The following ACSL6 variants were observed in gnomAD, a reference collection of about 807,000 sequenced individuals.
The protein encoded by ACSL6 is acyl-CoA synthetase long chain family member 6, also known as long-chain-fatty-acid--CoA ligase 6.
ACSL6 carries 47 observed loss-of-function variants against 98.2 expected under a neutral mutation model. The observed-to-expected ratio is 0.48, with a 90% CI of 0.38 to 0.61. The LOEUF is 0.61. ACSL6 is among the 20% of genes least tolerant of loss of function. The pLI is 0.00. For missense variants in ACSL6, 761 were observed against 913.4 expected (o/e 0.83, Z 2.15); for synonymous variants, 362 against 336.9 (o/e 1.07, Z -0.82).
At chr5:131,960,404 T>C (rs1752642583) in intron 19 of ACSL6, 116 bp downstream of exon 19, 1 of 684,888 alleles carries the variant, frequency 1.5e-6, no homozygotes, top group Non-Finnish European at 2.4e-6. Flanking sequence ...TATAAAGTAA[T>C]GTTAGAAATT....
intron 8 of ACSL6, among the ~76,000 whole-genome samples, chr5:131,986,136 G>A (rs555387186): frequency 6.6e-6 from 1 of 152,358 alleles, no homozygotes; most frequent in African/African-American, 2.4e-5. Flanking sequence ...AGGCAGAAGA[G>A]AGAAAGGGTG....
rs185984945 is a variant in ACSL6, at chr5:131,973,296, G to A, written c.1173C>T (p.Val391=). Residue 391 remains valine, a synonymous_variant, in exon 12 of 21, where the codon GTC becomes GTT. Transcript: ENST00000651883. ...CGTACATCCGGTTCAGCAGTCGTGG[G>A]ACCACAGGGAAGATGGTGGGGCATA... The part of the protein sequence containing the change: ...KALCPTIFPV[V]PRLLNRMYDK... 24 of 1,614,140 alleles carry A rather than the reference G, an allele frequency of 1.5e-5. No homozygotes were observed. Among genetic ancestry groups the A allele is most frequent in the Non-Finnish European group, 2.0e-5 (24 of 1,180,024 alleles).
In ACSL6 at chr5:131,972,783, G is replaced by A. The variant is rs767616461; in HGVS notation, c.1279C>T (p.Arg427Trp). The change falls in exon 13 of 21, where the codon CGG (arginine) becomes TGG (tryptophan). Residue 427 changes from arginine to tryptophan, a missense_variant. Arg to Trp is a moderately radical substitution (Grantham distance 101). Coordinates refer to ENST00000651883, the MANE Select transcript of ACSL6 (RefSeq NM_001009185.3). ...CTATCATTCCTGATGATTCCACTCC[G>A]GACCTCGGCTTGCTTACGCTTTGCT... ...FAAKRKQAEV[R>W]SGIIRNDSIW... The A allele has an allele frequency of 2.0e-5, 32 of 1,613,986 alleles. No individual in the cohort carries two copies. Among genetic ancestry groups the A allele is most frequent in the East Asian group, 1.3e-4 (6 of 44,892 alleles).
chr5:131,968,582 C>T (rs1378151961), intron 15 of ACSL6, among the ~76,000 whole-genome samples: 1 of 152,170 alleles, frequency 6.6e-6, no homozygotes, highest in African/African-American at 2.4e-5. Context: ...GGTCCCACAC[C>T]ACATGTTGAA....
intron 16 of ACSL6, among the ~76,000 whole-genome samples, chr5:131,967,386 A>G (rs1753066564): frequency 1.3e-5 from 2 of 151,892 alleles, no homozygotes; most frequent in East Asian, 1.9e-4. Context: ...ATTAAGGGCC[A>G]GGCACGGTGG....
Position 131,966,538 on chromosome 5 carries a change from G to A in ACSL6, c.1597-6C>T, listed in dbSNP as rs375593156. 6.2e-7 allele frequency: 1 copy of A among 1,612,626 alleles called. No individual in the cohort carries two copies. Among genetic ancestry groups the A allele is most frequent in the South Asian group, 1.1e-5 (1 of 91,042 alleles). On this transcript the variant is annotated splice_polypyrimidine_tract_variant and splice_region_variant and intron_variant, in intron 16 of 20. Coordinates refer to ENST00000651883, the MANE Select transcript of ACSL6 (RefSeq NM_001009185.3). ...TTTGGTCCTCTCACACATATCTATGGGACAAAAACCATGGCTTCTCTCAGC... is the reference window on the plus strand; with the variant it reads ...TTTGGTCCTCTCACACATATCTATGAGACAAAAACCATGGCTTCTCTCAGC...
At chr5:131,994,669 GGCA>G (rs1391342718) in intron 1 of ACSL6, 3 of 249,184 alleles carry the variant, frequency 1.2e-5, no homozygotes, top group African/African-American at 6.7e-5. Flanking sequence ...AAGAGGGAAG[GGCA>G]GCAGAAGTGC....
chr5:131,985,268 C>G (rs115222986), intron 9 of ACSL6, 139 bp downstream of exon 9: 305,824 of 1,045,352 alleles, frequency 0.29, 52,640 homozygotes, highest in African/African-American at 0.64. Flanking sequence ...TGCAGGAGGT[C>G]ACCCAGTGTC....
chr5:132,012,166 T>C (rs531840389), upstream of ACSL6: 2 of 465,184 alleles, frequency 4.3e-6, no homozygotes, highest in Non-Finnish European at 7.4e-6. Context: ...TTTGCAGACA[T>C]GGGGAGCCTC....
intron 18 of ACSL6, among the ~76,000 whole-genome samples, chr5:131,962,088 G>C (rs917686756): frequency 2.0e-5 from 3 of 151,850 alleles, no homozygotes; most frequent in African/African-American, 7.3e-5. Flanking sequence ...GGGAGGGAGG[G>C]GGAAGGGGAT....
At chr5:131,961,760 G>A (rs2149691901) in intron 18 of ACSL6, among the ~76,000 whole-genome samples, 1 of 152,110 alleles carries the variant, frequency 6.6e-6, no homozygotes, top group Middle Eastern at 3.4e-3. Flanking sequence ...GTATTGAAAG[G>A]AAAATAAGTA....
At chr5:131,963,054 C>G (rs900591461) in intron 17 of ACSL6, among the ~76,000 whole-genome samples, 2 of 152,126 alleles carry the variant, frequency 1.3e-5, no homozygotes, top group African/African-American at 4.8e-5. Context: ...TTCCAGGTGC[C>G]CTTTTTCTCA....
rs374070362 is a variant in ACSL6, at chr5:131,953,485, A to G, written c.*749T>C. On this transcript the variant is annotated 3_prime_UTR_variant, in exon 21 of 21. Coordinates refer to ENST00000651883, the MANE Select transcript of ACSL6 (RefSeq NM_001009185.3). Reference sequence around the variant, plus strand: ...GTGTGGTGGCATGTGCCTGTACTGTAGTCTCAGCTACTTGGGAGGTGAGAC... The same window carrying G: ...GTGTGGTGGCATGTGCCTGTACTGTGGTCTCAGCTACTTGGGAGGTGAGAC... The G allele has an allele frequency of 1.6e-5, 3 of 189,674 alleles. No individual in the cohort carries two copies. The highest frequency in any genetic ancestry group is 1.7e-4 in the East Asian group (2 of 11,982). The allele number at this position is 189,674 out of a possible 1,614,324, so 11.7% of individuals were successfully genotyped here.
chr5:131,967,804 A>G (rs969887324), intron 16 of ACSL6, 136 bp downstream of exon 16: 2 of 702,688 alleles, frequency 2.8e-6, no homozygotes, highest in Non-Finnish European at 2.4e-6. Flanking sequence ...TGCTGAGTTG[A>G]GCTGAGTCAA....
intron 1 of ACSL6, among the ~76,000 whole-genome samples, chr5:131,998,606 T>C (rs1199080748): frequency 6.6e-6 from 1 of 152,168 alleles, no homozygotes; most frequent in Admixed American, 6.5e-5. Context: ...AACTCTCTGC[T>C]GGTCCAGCCT....
intron 9 of ACSL6, among the ~76,000 whole-genome samples, chr5:131,981,322 TAAAAAAA>T (rs56950797): frequency 1.4e-4 from 13 of 95,278 alleles, no homozygotes; most frequent in East Asian, 3.2e-4. Context: ...AGTCAACTAT[TAAAAAAA>T]AAAAAAAAAA....
intron 1 of ACSL6, among the ~76,000 whole-genome samples, chr5:131,996,296 C>T (rs1359656760): frequency 6.6e-6 from 1 of 152,244 alleles, no homozygotes; most frequent in African/African-American, 2.4e-5. Context: ...AGTAGATTCA[C>T]CAGGGAAAAT....
Position 131,953,965 on chromosome 5 carries a change from C to G in ACSL6, c.*269G>C, listed in dbSNP as rs569481211. Reference sequence around the variant, plus strand: ...TGACAATATATTACTTTTAGTGGTACACAGTTCTTGAGAAAATGTCTTGAT... The same window carrying G: ...TGACAATATATTACTTTTAGTGGTAGACAGTTCTTGAGAAAATGTCTTGAT... On this transcript the variant is annotated 3_prime_UTR_variant, in exon 21 of 21. Coordinates refer to ENST00000651883, the MANE Select transcript of ACSL6 (RefSeq NM_001009185.3). 3.7e-6 allele frequency: 1 copy of G among 273,384 alleles called. No homozygotes were observed. Among genetic ancestry groups the G allele is most frequent in the African/African-American group, 2.2e-5 (1 of 45,942 alleles). 16.9% of individuals were successfully genotyped at this position (273,384 alleles called of 1,614,324 possible). A position where few individuals can be genotyped will look rare whatever the true frequency, so the allele number is the denominator to read the frequency against.
At chr5:131,993,977 T>C in intron 2 of ACSL6, 54 bp downstream of exon 2, 1 of 1,569,558 alleles carries the variant, frequency 6.4e-7, no homozygotes, top group Non-Finnish European at 8.7e-7. Flanking sequence ...ACTTCCAAGA[T>C]GCCTGTCCTC....
Sources: gnomAD v4.1 joint callset for allele counts (sites outside exome capture counted in the v4.1 genomes callset) on GRCh38, gnomAD v4.1.1 for gene constraint, MANE v1.5 for transcripts, NCBI Gene and HGNC (gene_info 2026-07-23, HGNC 2026-07-21) for gene names.